EIF4E3: variants seen among roughly 807,000 people sequenced by gnomAD.
EIF4E3 encodes the protein eukaryotic translation initiation factor 4E family member 3, also known as eukaryotic translation initiation factor 4E type 3.
In EIF4E3, 26 loss-of-function variants were observed where a neutral mutation model predicts 31.7. That is an observed-to-expected ratio of 0.82 (90% CI 0.60 to 1.14). The LOEUF (loss-of-function observed/expected upper bound fraction) is 1.14, where lower values mean the gene tolerates loss of function less well. Among genes scored for constraint, EIF4E3 ranks in the 50% most tolerant of loss-of-function variants. The probability of loss-of-function intolerance (pLI) is 0.00; values close to 1 mark genes in which losing one functional copy is unlikely to be tolerated. For synonymous variants in EIF4E3, 128 were observed against 107.7 expected (o/e 1.19, Z -1.17); for missense variants, 304 against 270.9 (o/e 1.12, Z -0.86).
chr3:71,744,552 C>T (rs1417235938), intron 1 of EIF4E3, among the ~76,000 whole-genome samples: 4 of 152,148 alleles, frequency 2.6e-5, no homozygotes, highest in Non-Finnish European at 5.9e-5. Context: ...TGAGACCAGC[C>T]TGATCAACAT....
Position 71,690,053 on chromosome 3 carries a change from A to G in EIF4E3, c.585T>C (p.Tyr195=). 6.2e-7 allele frequency: 1 copy of G among 1,613,844 alleles called. No homozygotes were observed. The highest frequency in any genetic ancestry group is 8.5e-7 in the Non-Finnish European group (1 of 1,179,884). Residue 195 remains tyrosine, a synonymous_variant, in exon 6 of 7, where the codon TAT becomes TAC. Transcript: ENST00000425534. The part of the protein sequence containing the change: ...VGEATVLEKI[Y]ELLPHITFKA... ...TAAAAGTTATGTGGGGCAGAAGTTC[A>G]TAGATCTTTTCTAAAACAGTCGCTT...
intron 1 of EIF4E3, among the ~76,000 whole-genome samples, chr3:71,737,746 C>G (rs1171230706): frequency 6.6e-6 from 1 of 151,966 alleles, no homozygotes; most frequent in Non-Finnish European, 1.5e-5. Context: ...GGTAGCATAG[C>G]AAGAACTCTC....
intron 1 of EIF4E3, among the ~76,000 whole-genome samples, chr3:71,722,192 A>G (rs550845739): frequency 2.0e-5 from 3 of 152,350 alleles, no homozygotes; most frequent in Non-Finnish European, 4.4e-5. Context: ...TATCTGAGAT[A>G]CAGATAGAAG....
rs1446444558 is a variant in EIF4E3, at chr3:71,677,403, G to A, written c.*7279C>T. The A allele has an allele frequency of 6.6e-6, 1 of 152,130 alleles. No individual in the cohort carries two copies. Among genetic ancestry groups the A allele is most frequent in the Admixed American group, 6.5e-5 (1 of 15,268 alleles). The allele number at this position is 152,130 out of a possible 1,614,324, so 9.4% of individuals were successfully genotyped here. A position where few individuals can be genotyped will look rare whatever the true frequency, so the allele number is the denominator to read the frequency against. ...CAGTTACTGCAGCGAAAGGATCACT[G>A]AGGAAGAAAAGGCATGCATGGTCTT... On this transcript the variant is annotated 3_prime_UTR_variant, in exon 7 of 7. Coordinates refer to ENST00000425534, the MANE Select transcript of EIF4E3 (RefSeq NM_001134651.2).
At chr3:71,749,377 G>A (rs969660865) in intron 1 of EIF4E3, among the ~76,000 whole-genome samples, 3 of 152,232 alleles carry the variant, frequency 2.0e-5, no homozygotes, top group Non-Finnish European at 4.4e-5. Context: ...CCATGGGGAG[G>A]TCAACTTGAG....
chr3:71,712,852 C>CAA (rs11403409), intron 1 of EIF4E3, among the ~76,000 whole-genome samples: 1,215 of 121,100 alleles, frequency 0.01, 26 homozygotes, highest in Non-Finnish European at 0.014. Context: ...TAACCTAGAC[C>CAA]AAAAAAAAAA....
chr3:71,690,009 C>G lies in EIF4E3; in HGVS notation c.628+1G>C. 6.2e-7 allele frequency: 1 copy of G among 1,604,348 alleles called. No individual in the cohort carries two copies. Among genetic ancestry groups the G allele is most frequent in the Non-Finnish European group, 8.5e-7 (1 of 1,175,380 alleles). On this transcript the variant is annotated splice_donor_variant, in intron 6 of 6. Coordinates refer to ENST00000425534, the MANE Select transcript of EIF4E3 (RefSeq NM_001134651.2). LOFTEE classifies it high-confidence loss of function. ...GTAATAACTGGAAATGAAGCACTTA[C>G]GTTTATAAAATACTGCTTTAAAAGT... is the stretch of plus-strand genomic sequence containing the variant.
intron 1 of EIF4E3, among the ~76,000 whole-genome samples, chr3:71,750,578 A>G (rs574457196): frequency 1.3e-5 from 2 of 152,306 alleles, no homozygotes; most frequent in African/African-American, 4.8e-5. Context: ...CTTCACAGTT[A>G]TAACAAAGAG....
intron 1 of EIF4E3, among the ~76,000 whole-genome samples, chr3:71,749,164 C>T (rs778255294): frequency 7.9e-5 from 12 of 152,226 alleles, no homozygotes; most frequent in Non-Finnish European, 1.6e-4. Flanking sequence ...AATCTTCCCA[C>T]AATGGGCTTT....
intron 2 of EIF4E3, among the ~76,000 whole-genome samples, chr3:71,703,970 G>A (rs1211259466): frequency 6.6e-6 from 1 of 152,216 alleles, no homozygotes; most frequent in Admixed American, 6.5e-5. Flanking sequence ...GTATTTATGG[G>A]CAGGGCCAAT....
chr3:71,699,797 A>C, intron 2 of EIF4E3, 89 bp from the exon 3 acceptor site: 1 of 1,067,090 alleles, frequency 9.4e-7, no homozygotes, highest in Admixed American at 2.2e-5. Context: ...TTAAAGAAAA[A>C]TTTTGATTCT....
chr3:71,709,907 T>C (rs2049350454), intron 2 of EIF4E3, among the ~76,000 whole-genome samples: 2 of 152,002 alleles, frequency 1.3e-5, no homozygotes, highest in South Asian at 4.2e-4. Context: ...CATGCCTAAT[T>C]TAGGATGATG....
At chr3:71,754,639 C>G, upstream of EIF4E3, 1 of 1,485,248 alleles carries the variant, frequency 6.7e-7, no homozygotes, top group Non-Finnish European at 8.9e-7. The surrounding 1 kb of genome is among the most constrained non-coding windows in gnomAD (Gnocchi z 5.8). Flanking sequence ...GTGGGCGCCA[C>G]GCACCTCGTC....
chr3:71,684,547 C>T lies in EIF4E3; in HGVS notation c.*135G>A. The stretch of plus-strand genomic sequence containing the variant: ...CACCTGCCACTTTGAGTCCTAATTG[C>T]CCATCTGCAAGGACAGAAACCCACT... On this transcript the variant is annotated 3_prime_UTR_variant, in exon 7 of 7. Coordinates refer to ENST00000425534, the MANE Select transcript of EIF4E3 (RefSeq NM_001134651.2). 2.2e-6 allele frequency: 2 copies of T among 896,374 alleles called. No individual in the cohort carries two copies. Among genetic ancestry groups the T allele is most frequent in the Non-Finnish European group, 3.4e-6 (2 of 594,604 alleles). The allele number at this position is 896,374 out of a possible 1,614,324, so 55.5% of individuals were successfully genotyped here. A position where few individuals can be genotyped will look rare whatever the true frequency, so the allele number is the denominator to read the frequency against.
rs888027807 is a variant in EIF4E3 at position 71,683,491 on chromosome 3, A to G, written c.*1191T>C. On this transcript the variant is annotated 3_prime_UTR_variant, in exon 7 of 7. Transcript: ENST00000425534. The stretch of plus-strand genomic sequence containing the variant: ...ATCAGCGTATTCTGAGCTAGTCTCC[A>G]TGGTCCAGAGGATGACCATTTCCTT... The G allele has an allele frequency of 1.3e-5, 2 of 152,242 alleles. No individual in the cohort carries two copies. The highest frequency in any genetic ancestry group is 6.5e-5 in the Admixed American group (1 of 15,280). 9.4% of individuals were successfully genotyped at this position (152,242 alleles called of 1,614,324 possible). A position where few individuals can be genotyped will look rare whatever the true frequency, so the allele number is the denominator to read the frequency against.
chr3:71,686,543 A>AATGTGTGT (rs1553659504), intron 6 of EIF4E3, among the ~76,000 whole-genome samples: 1 of 143,498 alleles, frequency 7.0e-6, no homozygotes, highest in African/African-American at 2.6e-5. Flanking sequence ...TTTCACATTG[A>AATGTGTGT]GTGTGTGTGT....
At chr3:71,659,891 ACTGGGAGGAGG>A in the EIF4E3 span, among the ~76,000 whole-genome samples, 1 of 152,222 alleles carries the variant, frequency 6.6e-6, no homozygotes, top group Admixed American at 6.5e-5. Flanking sequence ...CAGGTACATT[ACTGGGAGGAGG>A]CCAAAGTGTA....
In EIF4E3 at chr3:71,731,891, T is replaced by C. The variant is rs186893592; in HGVS notation, c.-290-3268A>G. Reference sequence around the variant, plus strand: ...ATGCATTTGCGAGTATATTTCCAAATATATTTAGAGAGATATAATTATACA... The same window carrying C: ...ATGCATTTGCGAGTATATTTCCAAACATATTTAGAGAGATATAATTATACA... On this transcript the variant is annotated intron_variant, in intron 1 of 7. Transcript: ENST00000295612. 7.3e-4 allele frequency among the ~76,000 whole-genome samples: 111 copies of C among 152,336 alleles called. 1 individual carries two copies. The highest frequency in any genetic ancestry group is 1.2e-3 in the Non-Finnish European group (85 of 68,032).
chr3:71,740,707 T>C (rs1162239493), intron 1 of EIF4E3, among the ~76,000 whole-genome samples: 1 of 152,130 alleles, frequency 6.6e-6, no homozygotes, highest in Non-Finnish European at 1.5e-5. Flanking sequence ...CACTCCAGCC[T>C]GGACGATAGA....
Sources: allele counts gnomAD v4.1 joint callset (sites outside exome capture counted in the v4.1 genomes callset), GRCh38; gene constraint gnomAD v4.1.1; non-coding constraint Gnocchi (gnomAD v3.1); transcripts MANE v1.5; gene names NCBI Gene and HGNC (gene_info 2026-07-23, HGNC 2026-07-21).